Variants in ARRB2 observed in about 807,000 individuals in gnomAD.
The protein encoded by ARRB2 is beta-arrestin-2.
In ARRB2, 21 loss-of-function variants were observed where a neutral mutation model predicts 53.4. The ratio of observed to expected loss-of-function variants is 0.39; its 90% CI spans 0.28 to 0.57. ARRB2 has a LOEUF of 0.57. ARRB2 is among the 20% of genes least tolerant of loss of function. The pLI, the probability that ARRB2 is intolerant of heterozygous loss-of-function variation, is 0.55. For synonymous variants in ARRB2, 180 were observed against 212.9 expected (o/e 0.85, Z 1.34); for missense variants, 369 against 527.5 (o/e 0.70, Z 2.94).
intron 11 of ARRB2, 155 bp from the exon 12 acceptor site, chr17:4,720,061 G>C (rs1480352553): frequency 1.4e-6 from 1 of 709,620 alleles, no homozygotes; most frequent in South Asian, 1.8e-5. Flanking sequence ...AGGGAGTGCA[G>C]TGCGCACTGT....
At chr17:4,715,768 A>G in intron 2 of ARRB2, 1 of 603,374 alleles carries the variant, frequency 1.7e-6, no homozygotes, top group Admixed American at 2.9e-5. Flanking sequence ...GTGCAGAGAT[A>G]AAGGAGCAGC....
Position 4,720,285 on chromosome 17 carries a change from G to A in ARRB2, c.987G>A (p.Val329=), listed in dbSNP as rs754797287. ...LVSYRVKVKL[V]VSRGGDVSVE... ...CCTACAGGGTCAAGGTGAAGCTGGT[G>A]GTGTCTCGAGGCGGGTGAGTGTCAT... Residue 329 remains valine (V), a synonymous_variant, in exon 12 of 15, where the codon GTG becomes GTA. Coordinates refer to ENST00000269260, the MANE Select transcript of ARRB2 (RefSeq NM_004313.4). The A allele has an allele frequency of 4.3e-6, 7 of 1,613,878 alleles. No homozygotes were observed. The African/African-American group carries it at 9.3e-5, about 22-fold the overall frequency.
chr17:4,715,849 C>T, intron 2 of ARRB2, 124 bp from the exon 3 acceptor site: 1 of 1,135,050 alleles, frequency 8.8e-7, no homozygotes, highest in Non-Finnish European at 1.3e-6. Flanking sequence ...TGGGAGGAAA[C>T]CTGGAACAAC....
chr17:4,720,701 C>T (rs1915617003), intron 14 of ARRB2, 61 bp downstream of exon 14: 1 of 1,397,168 alleles, frequency 7.2e-7, no homozygotes, highest in Non-Finnish European at 9.7e-7. Flanking sequence ...ACATTCAAAT[C>T]TGCCCTCATA....
Position 4,721,245 on chromosome 17 carries a change from T to G in ARRB2, c.*206T>G. ...TTGCTGAATGTGGGCATTAATTTTT[T>G]GACTGCAGCTCTGCTTCTCCAGCCC... On this transcript the variant is annotated 3_prime_UTR_variant, in exon 15 of 15. Transcript: ENST00000269260. This position sits in a 1 kb window ranked among gnomAD's most constrained non-coding sequence, Gnocchi z 4.2. The G allele has an allele frequency of 1.8e-6, 1 of 542,186 alleles. No individual in the cohort carries two copies. Among genetic ancestry groups the G allele is most frequent in the Non-Finnish European group, 3.2e-6 (1 of 311,298 alleles). 33.6% of individuals were successfully genotyped at this position (542,186 alleles called of 1,614,324 possible). A position where few individuals can be genotyped will look rare whatever the true frequency, so the allele number is the denominator to read the frequency against.
chr17:4,711,470 G>C (rs904397995), intron 1 of ARRB2, among the ~76,000 whole-genome samples: 2 of 152,150 alleles, frequency 1.3e-5, no homozygotes, highest in African/African-American at 4.8e-5. Flanking sequence ...ACCCCCAAGG[G>C]GCAAGGGGTG....
In ARRB2 at chr17:4,721,187, C is replaced by G. The variant is rs1915661029; in HGVS notation, c.*148C>G. 1 of 745,260 alleles carries G rather than the reference C, an allele frequency of 1.3e-6. No individual in the cohort carries two copies. Among genetic ancestry groups the G allele is most frequent in the Non-Finnish European group, 2.2e-6 (1 of 459,228 alleles). 46.2% of individuals were successfully genotyped at this position (745,260 alleles called of 1,614,324 possible). On this transcript the variant is annotated 3_prime_UTR_variant, in exon 15 of 15. Transcript: ENST00000269260. The surrounding 1 kb of genome is among the most constrained non-coding windows in gnomAD (Gnocchi z 4.2). ...CAACCAATCCCTTCACACTCTCTCCCCCATCCCCCCAAGATACACACTGGA... is the reference window on the plus strand; with the variant it reads ...CAACCAATCCCTTCACACTCTCTCCGCCATCCCCCCAAGATACACACTGGA...
At chr17:4,713,431 G>A (rs1379108717) in intron 1 of ARRB2, among the ~76,000 whole-genome samples, 1 of 151,998 alleles carries the variant, frequency 6.6e-6, no homozygotes, top group African/African-American at 2.4e-5. Flanking sequence ...GGGAGATTGA[G>A]ACCATCCTGA....
At position 4,715,959 on chromosome 17, in the gene ARRB2, C is replaced by T; in HGVS notation, c.55-14C>T. ...TCCTCCCCAATCTCCCCTGTGACCC[C>T]TTGACATCCTCAGCTCACCGTGTAC... On this transcript the variant is annotated splice_polypyrimidine_tract_variant and intron_variant, in intron 2 of 14. Coordinates refer to ENST00000269260, the MANE Select transcript of ARRB2 (RefSeq NM_004313.4). 1.2e-6 allele frequency: 2 copies of T among 1,614,166 alleles called. No individual in the cohort carries two copies. The highest frequency in any genetic ancestry group is 1.7e-6 in the Non-Finnish European group (2 of 1,180,012).
At position 4,717,682 on chromosome 17, in the gene ARRB2, G is replaced by C. The variant is rs775746698; in HGVS notation, c.418-3G>C. ...AGATGTGGCCTTTTCTCCCCTCCCC[G>C]AGGCCTGCGGCGTAGACTTTGAGAT... On this transcript the variant is annotated splice_polypyrimidine_tract_variant and splice_region_variant and intron_variant, in intron 6 of 14. Transcript: ENST00000269260. The surrounding 1 kb of genome is among the most constrained non-coding windows in gnomAD (Gnocchi z 6.0). 2 of 1,613,980 alleles carry C rather than the reference G, an allele frequency of 1.2e-6. No homozygotes were observed. Among genetic ancestry groups the C allele is most frequent in the Admixed American group, 1.7e-5 (1 of 59,992 alleles).
intron 2 of ARRB2, chr17:4,715,261 G>A (rs1914827054): frequency 3.4e-6 from 2 of 586,878 alleles, no homozygotes; most frequent in East Asian, 3.0e-5. Context: ...GCAGGCTTGG[G>A]TCCCCAAGCA....
At chr17:4,718,213 G>C in intron 8 of ARRB2, 48 bp from the exon 9 acceptor site, 1 of 1,573,764 alleles carries the variant, frequency 6.4e-7, no homozygotes. Context: ...CTGATGATGG[G>C]AACAGTGAAA....
intron 1 of ARRB2, among the ~76,000 whole-genome samples, chr17:4,712,839 C>T (rs2150582328): frequency 6.6e-6 from 1 of 152,326 alleles, no homozygotes; most frequent in African/African-American, 2.4e-5. Flanking sequence ...GACTCGGAGC[C>T]AGACTGCCTT....
intron 1 of ARRB2, 50 bp from the exon 2 acceptor site, chr17:4,714,963 C>T (rs377337625): frequency 2.2e-5 from 34 of 1,567,700 alleles, no homozygotes; most frequent in Non-Finnish European, 2.7e-5. Context: ...GGTGTGGGGT[C>T]CCTGCTGAGT....
Position 4,719,385 on chromosome 17 carries a change from C to G in ARRB2, c.882C>G (p.Leu294=). Residue 294 remains leucine, a synonymous_variant, in exon 11 of 15, where the codon CTC becomes CTG. Transcript: ENST00000269260. ...EKRGLALDGK[L]KHEDTNLASS... is the part of the protein sequence containing the mutation. ...GGGGTCTCGCCCTGGATGGGAAACT[C>G]AAGCACGAGGACACCAACCTGGCTT... The G allele has an allele frequency of 6.2e-7, 1 of 1,614,176 alleles. No individual in the cohort carries two copies. Among genetic ancestry groups the G allele is most frequent in the Admixed American group, 1.7e-5 (1 of 60,024 alleles).
intron 1 of ARRB2, among the ~76,000 whole-genome samples, chr17:4,711,681 C>A (rs1020557274): frequency 2.0e-5 from 3 of 152,102 alleles, no homozygotes; most frequent in African/African-American, 7.2e-5. Flanking sequence ...AGAAAGAGAT[C>A]ATCAGAGAGA....
intron 1 of ARRB2, among the ~76,000 whole-genome samples, chr17:4,713,657 G>A (rs1303124747): frequency 1.3e-5 from 2 of 149,670 alleles, no homozygotes; most frequent in African/African-American, 2.5e-5. Context: ...AGGCATGATG[G>A]CAGGCACCTC....
In ARRB2 at chr17:4,717,873, C is replaced by T. The variant is rs775148853; in HGVS notation, c.486-15C>T. Reference sequence around the variant, plus strand: ...GTGTGAGGAATGACCCCTCCTGCCCCTACTCTGATCCCAGGAACTCTGTGC... The same window carrying T: ...GTGTGAGGAATGACCCCTCCTGCCCTTACTCTGATCCCAGGAACTCTGTGC... On this transcript the variant is annotated splice_polypyrimidine_tract_variant and intron_variant, in intron 7 of 14. Transcript: ENST00000269260. This position sits in a 1 kb window ranked among gnomAD's most constrained non-coding sequence, Gnocchi z 6.0. 11 of 1,614,106 alleles carry T rather than the reference C, an allele frequency of 6.8e-6. No homozygotes were observed. In the Admixed American group the frequency reaches 1.8e-4, roughly 27 times the overall value.
chr17:4,717,206 C>G lies in ARRB2; in HGVS notation c.358-11C>G, dbSNP rs1370832549. ...TGGAAGAACTGAAGTCTTCTCCTTCCTCCGCCACAGATACCCCAGAATCTT... is the reference window on the plus strand; with the variant it reads ...TGGAAGAACTGAAGTCTTCTCCTTCGTCCGCCACAGATACCCCAGAATCTT... On this transcript the variant is annotated splice_polypyrimidine_tract_variant and intron_variant, in intron 5 of 14. Transcript: ENST00000269260. The surrounding 1 kb of genome is among the most constrained non-coding windows in gnomAD (Gnocchi z 6.0). 6.2e-7 allele frequency: 1 copy of G among 1,613,838 alleles called. No individual in the cohort carries two copies. The highest frequency in any genetic ancestry group is 1.7e-5 in the Admixed American group (1 of 60,020).
Sources: allele counts gnomAD v4.1 joint callset (sites outside exome capture counted in the v4.1 genomes callset), GRCh38; gene constraint gnomAD v4.1.1; non-coding constraint Gnocchi (gnomAD v3.1); transcripts MANE v1.5; gene names NCBI Gene and HGNC (gene_info 2026-07-23, HGNC 2026-07-21).